SATB2: variants seen among roughly 807,000 people sequenced by gnomAD.
SATB2 encodes the protein DNA-binding protein SATB2.
A neutral mutation model predicts 73.4 loss-of-function variants in SATB2; 1 was observed. The observed-to-expected ratio is 0.01, with a 90% CI of 0.00 to 0.06. The LOEUF (loss-of-function observed/expected upper bound fraction) is 0.06. SATB2 is among the 10% of genes least tolerant of loss of function. The pLI is 1.00. For missense variants in SATB2, 459 were observed against 945.8 expected (o/e 0.49, Z 6.75); for synonymous variants, 397 against 367.0 (o/e 1.08, Z -0.93).
In SATB2 at chr2:199,381,696, T is replaced by C. The variant is rs1689780674; in HGVS notation, c.471A>G (p.Gln157=). The change falls in exon 4 of 11, where the codon CAA becomes CAG. Residue 157 remains glutamine, a splice_region_variant and synonymous_variant. Transcript: ENST00000417098. ...AGCAGATGTTCAGAAACACCCACCTTTGTAATTGGATTTTCAACGTCACAA... is the reference window on the plus strand; with the variant it reads ...AGCAGATGTTCAGAAACACCCACCTCTGTAATTGGATTTTCAACGTCACAA... ...YHVVTLKIQL[Q]SCSKLEDLPA... 1 of 1,613,954 alleles carries C rather than the reference T, an allele frequency of 6.2e-7. No homozygotes were observed. Among genetic ancestry groups the C allele is most frequent in the Non-Finnish European group, 8.5e-7 (1 of 1,179,892 alleles).
intron 3 of SATB2, among the ~76,000 whole-genome samples, chr2:199,422,920 T>C (rs955115849): frequency 6.6e-6 from 1 of 152,212 alleles, no homozygotes; most frequent in Admixed American, 6.5e-5. Flanking sequence ...TATAAGCTAA[T>C]TGTAACAATG....
intron 10 of SATB2, among the ~76,000 whole-genome samples, chr2:199,291,827 G>A (rs1011834404): frequency 2.0e-5 from 3 of 151,716 alleles, no homozygotes; most frequent in Admixed American, 6.6e-5. Flanking sequence ...CAGGAGAATC[G>A]CTTAAACTGG....
At chr2:199,459,376 G>A (rs1692408410), upstream of SATB2, among the ~76,000 whole-genome samples, 2 of 152,142 alleles carry the variant, frequency 1.3e-5, no homozygotes, top group Non-Finnish European at 2.9e-5. The surrounding 1 kb of genome is among the most constrained non-coding windows in gnomAD (Gnocchi z 4.2). Context: ...TTAAGGTGGC[G>A]CGGGCACTAG....
rs1395505124 is a variant in SATB2, at chr2:199,308,657, C to T, written c.1740+103G>A. 1.1e-6 allele frequency: 1 copy of T among 946,270 alleles called. No homozygotes were observed. Among genetic ancestry groups the T allele is most frequent in the Non-Finnish European group, 1.7e-6 (1 of 594,538 alleles). The allele number at this position is 946,270 out of a possible 1,614,324, so 58.6% of individuals were successfully genotyped here. A position where few individuals can be genotyped will look rare whatever the true frequency, so the allele number is the denominator to read the frequency against. On this transcript the variant is annotated intron_variant, in intron 10 of 10. Transcript: ENST00000417098. This position sits in a 1 kb window ranked among gnomAD's most constrained non-coding sequence, Gnocchi z 4.6. ...ACTTGGGGACCTGGCATGAGACACC[C>T]TCTGACAGAAGTTGGTGTGGTGTGT...
chr2:199,315,990 G>A (rs541103438), intron 9 of SATB2, among the ~76,000 whole-genome samples: 39 of 152,154 alleles, frequency 2.6e-4, no homozygotes, highest in African/African-American at 6.0e-4. Context: ...AATGCAAAAG[G>A]CCATTTACTC....
At chr2:199,460,833 G>A (rs1692459052), upstream of SATB2, among the ~76,000 whole-genome samples, 1 of 152,062 alleles carries the variant, frequency 6.6e-6, no homozygotes, top group Non-Finnish European at 1.5e-5. The surrounding 1 kb of genome is among the most constrained non-coding windows in gnomAD (Gnocchi z 4.0). Context: ...GTTTTGAAGG[G>A]AACTATTGAT....
At chr2:199,294,405 A>G (rs1232388065) in intron 10 of SATB2, among the ~76,000 whole-genome samples, 4 of 152,214 alleles carry the variant, frequency 2.6e-5, no homozygotes, top group African/African-American at 9.6e-5. Flanking sequence ...AGAATTGTCA[A>G]CTGACAGACC....
intron 5 of SATB2, among the ~76,000 whole-genome samples, chr2:199,376,594 A>T (rs996708783): frequency 6.6e-6 from 1 of 152,180 alleles, no homozygotes; most frequent in Non-Finnish European, 1.5e-5. Context: ...AAAAGGTTAA[A>T]TTCCTGCATT....
At chr2:199,423,208 T>G (rs1691224453) in intron 3 of SATB2, among the ~76,000 whole-genome samples, 1 of 152,166 alleles carries the variant, frequency 6.6e-6, no homozygotes, top group African/African-American at 2.4e-5. Flanking sequence ...TTGAGTTGCT[T>G]ATTTTCCATC....
intron 2 of SATB2, among the ~76,000 whole-genome samples, chr2:199,435,494 G>A (rs1434310793): frequency 2.0e-5 from 3 of 151,986 alleles, no homozygotes; most frequent in East Asian, 3.9e-4. Flanking sequence ...GATTACAGGC[G>A]CCCGTCAACA....
In SATB2 at chr2:199,464,641, G is replaced by A. The variant is rs1692556361; in HGVS notation, c.-141+195C>T. ...CGGGTCGCAGGGGCCGGTGCCCAGC[G>A]GGCCGGGGTCTGGCGAGCCAGGCAG... On this transcript the variant is annotated intron_variant, in intron 1 of 11. Coordinates refer to the SATB2 transcript ENST00000260926. The surrounding 1 kb of genome is among the most constrained non-coding windows in gnomAD (Gnocchi z 6.6). Among the ~76,000 whole-genome samples the A allele has an allele frequency of 6.6e-6, 1 of 152,194 alleles. No homozygotes were observed. Among genetic ancestry groups the A allele is most frequent in the South Asian group, 2.1e-4 (1 of 4,838 alleles).
intron 10 of SATB2, among the ~76,000 whole-genome samples, chr2:199,275,145 TA>T: frequency 6.6e-6 from 1 of 152,328 alleles, no homozygotes; most frequent in East Asian, 1.9e-4. Context: ...CGGTTCCATT[TA>T]ATTGAATAAT....
In SATB2 at chr2:199,449,222, C is replaced by T. The variant is rs569101926; in HGVS notation, c.169+6647G>A. On this transcript the variant is annotated intron_variant, in intron 2 of 10. Coordinates refer to ENST00000417098, the MANE Select transcript of SATB2 (RefSeq NM_001172509.2). ...TTATATATCTAAAGCACACTTGTTC[C>T]ATATTATGTCTTTTTATCTAGTTTT... Among the ~76,000 whole-genome samples the T allele has an allele frequency of 1.5e-4, 23 of 152,170 alleles. 1 individual carries two copies. Among genetic ancestry groups the T allele is most frequent in the Admixed American group, 4.6e-4 (7 of 15,274 alleles).
rs747861375 is a variant in SATB2 at position 199,455,667 on chromosome 2, C to T, written c.169+202G>A. On this transcript the variant is annotated intron_variant, in intron 2 of 10. Transcript: ENST00000417098. This position sits in a 1 kb window ranked among gnomAD's most constrained non-coding sequence, Gnocchi z 4.1. The stretch of plus-strand genomic sequence containing the variant: ...GGCAAAATGCCCAAAAAATGCCACC[C>T]TCTGGGTAAAACCACTTTCTTGTTT... Among the ~76,000 whole-genome samples, 1 of 152,254 alleles carries T rather than the reference C, an allele frequency of 6.6e-6. No individual in the cohort carries two copies. The highest frequency in any genetic ancestry group is 1.5e-5 in the Non-Finnish European group (1 of 68,032).
chr2:199,334,355 C>A (rs1688274924), intron 7 of SATB2, among the ~76,000 whole-genome samples: 1 of 152,168 alleles, frequency 6.6e-6, no homozygotes, highest in Non-Finnish European at 1.5e-5. Flanking sequence ...TGATTCAGAA[C>A]ATGTTAGTGA....
chr2:199,430,990 G>A (rs1230400523), intron 3 of SATB2, among the ~76,000 whole-genome samples: 3 of 152,134 alleles, frequency 2.0e-5, no homozygotes, highest in Non-Finnish European at 4.4e-5. Context: ...TCCAGCATAG[G>A]AAAAAGAGAT....
intron 6 of SATB2, among the ~76,000 whole-genome samples, chr2:199,366,983 C>G (rs1161437904): frequency 6.6e-6 from 1 of 152,080 alleles, no homozygotes; most frequent in African/African-American, 2.4e-5. Context: ...AGTTTCCAAT[C>G]TTTCTGAATC....
intron 3 of SATB2, among the ~76,000 whole-genome samples, chr2:199,418,512 ATTTTTTC>A (rs1691066295): frequency 6.6e-6 from 1 of 152,120 alleles, no homozygotes; most frequent in Admixed American, 6.5e-5. Context: ...AAAATGTGAA[ATTTTTTC>A]ACATTTTATT....
chr2:199,459,687 T>TC (rs1234307255), upstream of SATB2: 1 of 152,696 alleles, frequency 6.5e-6, no homozygotes, highest in Non-Finnish European at 1.5e-5. This position sits in a 1 kb window ranked among gnomAD's most constrained non-coding sequence, Gnocchi z 4.2. Flanking sequence ...GAGCCACCGA[T>TC]CCCCCTTAAG....
Sources: gnomAD v4.1 joint callset for allele counts (sites outside exome capture counted in the v4.1 genomes callset) on GRCh38, gnomAD v4.1.1 for gene constraint, Gnocchi (gnomAD v3.1) non-coding constraint, MANE v1.5 for transcripts, NCBI Gene and HGNC (gene_info 2026-07-23, HGNC 2026-07-21) for gene names.